Variants in PCDHGB3 observed in about 807,000 individuals in gnomAD.
PCDHGB3 encodes the protein protocadherin gamma subfamily B, 3.
A neutral mutation model predicts 59.2 loss-of-function variants in PCDHGB3; 40 were observed. The ratio of observed to expected loss-of-function variants is 0.68; its 90% CI spans 0.52 to 0.88. PCDHGB3 has a LOEUF of 0.88. Ranked by LOEUF, PCDHGB3 falls within the 40% of genes least tolerant of loss-of-function variation. The probability of loss-of-function intolerance (pLI) is 0.00; values close to 1 mark genes in which losing one functional copy is unlikely to be tolerated. For synonymous variants in PCDHGB3, 581 were observed against 503.6 expected (o/e 1.15, Z -2.06); for missense variants, 1,309 against 1,187.9 (o/e 1.10, Z -1.50).
chr5:141,475,300 T>C (rs1383092136), intron 1 of PCDHGB3, among the ~76,000 whole-genome samples: 3 of 152,332 alleles, frequency 2.0e-5, no homozygotes, highest in South Asian at 2.1e-4. Context: ...AATTTCTTAT[T>C]GCTCCCTGGT....
At position 141,409,172 on chromosome 5, in the gene PCDHGB3, G is replaced by T. The variant is rs574905228; in HGVS notation, c.2415+36363G>T. ...CACCATGGAAGTGGAAGCGAAGGAC[G>T]GAGGTGGTCTCTCTACCCAGTGTAA... On this transcript the variant is annotated intron_variant, in intron 1 of 3. Coordinates refer to ENST00000576222, the MANE Select transcript of PCDHGB3 (RefSeq NM_018924.5). The T allele has an allele frequency of 1.4e-5, 22 of 1,614,006 alleles. No homozygotes were observed. In the South Asian group the frequency reaches 2.4e-4, roughly 18 times the overall value.
intron 1 of PCDHGB3, among the ~76,000 whole-genome samples, chr5:141,429,664 ATTATT>A (rs2097234085): frequency 6.6e-6 from 1 of 152,214 alleles, no homozygotes; most frequent in Non-Finnish European, 1.5e-5. Context: ...TTTAAAATAT[ATTATT>A]TTATTTTATG....
Position 141,486,791 on chromosome 5 carries a change from C to G in PCDHGB3, c.2416-8016C>G. On this transcript the variant is annotated intron_variant, in intron 1 of 3. Coordinates refer to ENST00000576222, the MANE Select transcript of PCDHGB3 (RefSeq NM_018924.5). The surrounding 1 kb of genome is among the most constrained non-coding windows in gnomAD (Gnocchi z 5.0). ...GCAGTTTGAGGTGCAGGCCCGGGAT[C>G]GGGGCAACCCACCCCTTAGCAGCAC... The G allele has an allele frequency of 1.9e-6, 3 of 1,614,224 alleles. No individual in the cohort carries two copies. The highest frequency in any genetic ancestry group is 2.5e-6 in the Non-Finnish European group (3 of 1,180,046).
At chr5:141,501,290 TACACACACACACACACAC>T (rs55762287) in intron 2 of PCDHGB3, among the ~76,000 whole-genome samples, 6 of 136,162 alleles carry the variant, frequency 4.4e-5, no homozygotes, top group South Asian at 2.4e-4. Flanking sequence ...TATTCCCTTA[TACACACACACACACACAC>T]ACACACACAC....
chr5:141,477,817 C>G lies in PCDHGB3; in HGVS notation c.2416-16990C>G, dbSNP rs1593824080. 2 of 1,614,138 alleles carry G rather than the reference C, an allele frequency of 1.2e-6. No individual in the cohort carries two copies. The highest frequency in any genetic ancestry group is 8.5e-7 in the Non-Finnish European group (1 of 1,180,038). ...ATCGCAATGACAATGCCCCCCAGGT[C>G]CTATATCCTCGGCCAGGTGGGAGCT... is the stretch of plus-strand genomic sequence containing the variant. On this transcript the variant is annotated intron_variant, in intron 1 of 3. Coordinates refer to ENST00000576222, the MANE Select transcript of PCDHGB3 (RefSeq NM_018924.5). This position sits in a 1 kb window ranked among gnomAD's most constrained non-coding sequence, Gnocchi z 4.9.
chr5:141,393,731 T>C (rs1268576228), intron 1 of PCDHGB3: 1 of 1,613,754 alleles, frequency 6.2e-7, no homozygotes, highest in Non-Finnish European at 8.5e-7. Context: ...TAGCAAAAAG[T>C]CTAGATTATG....
Position 141,425,952 on chromosome 5 carries a change from T to C in PCDHGB3, c.2415+53143T>C, listed in dbSNP as rs1047436598. 3.9e-5 allele frequency among the ~76,000 whole-genome samples: 6 copies of C among 152,364 alleles called. No individual in the cohort carries two copies. In the South Asian group the frequency reaches 8.3e-4, roughly 21 times the overall value. ...ATAAAATGTCTAGTTTCCTATACATTAGTCCAACACATCAGTCTAATTCTG... is the reference window on the plus strand; with the variant it reads ...ATAAAATGTCTAGTTTCCTATACATCAGTCCAACACATCAGTCTAATTCTG... On this transcript the variant is annotated intron_variant, in intron 1 of 3. Coordinates refer to ENST00000576222, the MANE Select transcript of PCDHGB3 (RefSeq NM_018924.5).
chr5:141,413,366 C>T (rs1452603006), intron 1 of PCDHGB3: 2 of 1,613,958 alleles, frequency 1.2e-6, no homozygotes, highest in Middle Eastern at 1.7e-4. Flanking sequence ...CGGGAGCTGG[C>T]GGAGCGCGGA....
intron 1 of PCDHGB3, chr5:141,405,172 T>G: frequency 1.2e-6 from 2 of 1,614,092 alleles, no homozygotes; most frequent in African/African-American, 2.7e-5. Flanking sequence ...CCTCACACTT[T>G]GTGGGTGTAG....
chr5:141,490,906 G>C lies in PCDHGB3; in HGVS notation c.2416-3901G>C. On this transcript the variant is annotated intron_variant, in intron 1 of 3. Transcript: ENST00000576222. The surrounding 1 kb of genome is among the most constrained non-coding windows in gnomAD (Gnocchi z 5.4). ...CACATCTCTGCATGTGTTTGTCCTA[G>C]ACGAGAATGATAATGCCCCAGCTGT... The C allele has an allele frequency of 1.9e-6, 3 of 1,613,798 alleles. No individual in the cohort carries two copies. The highest frequency in any genetic ancestry group is 2.5e-6 in the Non-Finnish European group (3 of 1,179,808).
Position 141,394,191 on chromosome 5 carries a change from T to C in PCDHGB3, c.2415+21382T>C, listed in dbSNP as rs775886477. 3 of 1,613,764 alleles carry C rather than the reference T, an allele frequency of 1.9e-6. No homozygotes were observed. The Admixed American group carries it at 5.0e-5, about 27-fold the overall frequency. On this transcript the variant is annotated intron_variant, in intron 1 of 3. Coordinates refer to ENST00000576222, the MANE Select transcript of PCDHGB3 (RefSeq NM_018924.5). ...TTTCCCTCATGCCTCCTACTCAGCG[T>C]ATATCCTAGAGAACAACCTGAGAGG...
rs2095403267 is a variant in PCDHGB3, at chr5:141,410,523, A to C, written c.2415+37714A>C. 2 of 1,613,800 alleles carry C rather than the reference A, an allele frequency of 1.2e-6. No individual in the cohort carries two copies. Among genetic ancestry groups the C allele is most frequent in the African/African-American group, 2.7e-5 (2 of 74,910 alleles). ...TTCCTAAAATGCAGTGTGCCCCTAC[A>C]TTCCAATGAAGACATGGTTTGCAGT... On this transcript the variant is annotated intron_variant, in intron 1 of 3. Coordinates refer to ENST00000576222, the MANE Select transcript of PCDHGB3 (RefSeq NM_018924.5).
chr5:141,392,089 A>G (rs1278879227), intron 1 of PCDHGB3: 2 of 152,236 alleles, frequency 1.3e-5, no homozygotes, highest in Non-Finnish European at 2.9e-5. Context: ...ATTTAGAAGA[A>G]TAATTTAAAA....
At chr5:141,494,783 C>G (rs2099756910) in intron 1 of PCDHGB3, 24 bp from the exon 2 acceptor site, 2 of 1,613,964 alleles carry the variant, frequency 1.2e-6, no homozygotes, top group Admixed American at 3.3e-5. Context: ...GTACTCAGCC[C>G]CTTTCCCTCT....
chr5:141,424,052 G>A, intron 1 of PCDHGB3: 1 of 1,012,010 alleles, frequency 9.9e-7, no homozygotes, highest in South Asian at 4.7e-5. Flanking sequence ...CAATTTTGCT[G>A]TGCCTTCACT....
intron 1 of PCDHGB3, chr5:141,420,440 C>G (rs1298244162): frequency 9.3e-7 from 1 of 1,076,214 alleles, no homozygotes; most frequent in Non-Finnish European, 1.2e-6. Context: ...AATTAAATGC[C>G]TCAGTCTTCC....
At chr5:141,385,312 C>T (rs1781113045) in intron 1 of PCDHGB3, 1 of 1,611,422 alleles carries the variant, frequency 6.2e-7, no homozygotes, top group African/African-American at 1.3e-5. Context: ...AGAAAACCTG[C>T]CAAGTATTCA....
intron 2 of PCDHGB3, among the ~76,000 whole-genome samples, chr5:141,504,870 AG>A (rs1453764331): frequency 6.6e-6 from 1 of 151,996 alleles, no homozygotes; most frequent in Non-Finnish European, 1.5e-5. Context: ...CCACCTTCAC[AG>A]TCCTCTGGAG....
At position 141,431,321 on chromosome 5, in the gene PCDHGB3, G is replaced by T. The variant is rs112186927; in HGVS notation, c.2415+58512G>T. 1,258 of 1,614,054 alleles carry T rather than the reference G, an allele frequency of 7.8e-4. 11 individuals are homozygous for T. In the African/African-American group the frequency reaches 0.014, roughly 18 times the overall value. Reference sequence around the variant, plus strand: ...CCTCATCGTGCAAAATGGAGCCGACGGTAGTAAGTACCCCGAATTGGTGCT... The same window carrying T: ...CCTCATCGTGCAAAATGGAGCCGACTGTAGTAAGTACCCCGAATTGGTGCT... On this transcript the variant is annotated intron_variant, in intron 1 of 3. Transcript: ENST00000576222. This position sits in a 1 kb window ranked among gnomAD's most constrained non-coding sequence, Gnocchi z 4.8.
Sources: allele counts gnomAD v4.1 joint callset (sites outside exome capture counted in the v4.1 genomes callset), GRCh38; gene constraint gnomAD v4.1.1; non-coding constraint Gnocchi (gnomAD v3.1); transcripts MANE v1.5; gene names NCBI Gene and HGNC (gene_info 2026-07-23, HGNC 2026-07-21).